Variants in DYNC2H1 observed in about 807,000 individuals in gnomAD.
DYNC2H1 encodes dynein cytoplasmic 2 heavy chain 1.
A neutral mutation model predicts 570.0 loss-of-function variants in DYNC2H1; 410 were observed. That is an observed-to-expected ratio of 0.72 (90% CI 0.66 to 0.78). The LOEUF (loss-of-function observed/expected upper bound fraction) is 0.78. DYNC2H1 is among the 30% of genes least tolerant of loss of function. DYNC2H1 has a pLI of 0.00. For synonymous variants in DYNC2H1, 1,688 were observed against 1,677.6 expected, an observed-to-expected ratio of 1.01 and a Z score of -0.15; for missense variants, 4,865 against 5,046.4, an observed-to-expected ratio of 0.96 and a Z score of 1.09.
chr11:103,479,297 A>G lies in DYNC2H1; in HGVS notation c.*44A>G. 6.3e-7 allele frequency: 1 copy of G among 1,579,204 alleles called. No homozygotes were observed. ...GCCATCTTCACAAAAGGGAACATTG[A>G]TTCTTTAAGCTTTAAATCAAACATG... On this transcript the variant is annotated 3_prime_UTR_variant, in exon 89 of 89. Transcript: ENST00000375735.
At chr11:103,166,080 T>C in intron 31 of DYNC2H1, 32 bp downstream of exon 31, 3 of 1,466,522 alleles carry the variant, frequency 2.0e-6, no homozygotes, top group Non-Finnish European at 2.7e-6. Context: ...TTCTGCCTGG[T>C]TTTGGGTTAT....
intron 83 of DYNC2H1, among the ~76,000 whole-genome samples, chr11:103,382,008 A>G (rs1168040048): frequency 1.3e-5 from 2 of 152,226 alleles, no homozygotes; most frequent in Non-Finnish European, 2.9e-5. Context: ...ACTGAAAAGT[A>G]TAACACCCAA....
At chr11:103,376,991 C>G (rs1292224940) in intron 83 of DYNC2H1, among the ~76,000 whole-genome samples, 1 of 152,202 alleles carries the variant, frequency 6.6e-6, no homozygotes, top group Non-Finnish European at 1.5e-5. Flanking sequence ...TGAAATCTGA[C>G]TGTCTAGTGG....
At chr11:103,310,697 TTGG>T (rs1440605898) in intron 78 of DYNC2H1, among the ~76,000 whole-genome samples, 885 of 83,852 alleles carry the variant, frequency 0.011, 12 homozygotes, top group African/African-American at 0.045. Context: ...TTTTTTTTTT[TTGG>T]GAGACTGAGT....
At chr11:103,454,762 C>T (rs1944727989) in intron 85 of DYNC2H1, among the ~76,000 whole-genome samples, 2 of 152,078 alleles carry the variant, frequency 1.3e-5, no homozygotes, top group African/African-American at 4.8e-5. Flanking sequence ...GGACATTGCC[C>T]TCCACTGTTG....
At position 103,168,909 on chromosome 11, in the gene DYNC2H1, A is replaced by G. The variant is rs746813965; in HGVS notation, c.4917A>G (p.Thr1639=). 3.1e-6 allele frequency: 5 copies of G among 1,612,692 alleles called. No homozygotes were observed. The highest frequency in any genetic ancestry group is 1.3e-5 in the African/African-American group (1 of 74,878). Residue 1639 remains threonine, a synonymous_variant, in exon 32 of 89, where the codon ACA becomes ACG. Coordinates refer to ENST00000375735, the MANE Select transcript of DYNC2H1 (RefSeq NM_001377.3). ...QLRFYMKSDH[T]CCVQMVDSEF... is the part of the protein sequence containing the mutation. ...GATTCTATATGAAAAGTGATCATAC[A>G]TGTTGTGTTCAAATGGTGGATTCTG...
chr11:103,458,144 C>A (rs540740081), intron 87 of DYNC2H1, among the ~76,000 whole-genome samples: 10 of 152,274 alleles, frequency 6.6e-5, no homozygotes, highest in African/African-American at 2.4e-4. Context: ...TTTCAAACTC[C>A]ATTCATGGTA....
chr11:103,220,028 A>C lies in DYNC2H1; in HGVS notation c.8946A>C (p.Gln2982His). The change falls in exon 56 of 89, where the codon CAA becomes CAC. Residue 2982 changes from glutamine (Q) to histidine (H), a missense_variant and splice_region_variant. Coordinates refer to ENST00000375735, the MANE Select transcript of DYNC2H1 (RefSeq NM_001377.3). The stretch of plus-strand genomic sequence containing the variant: ...TTGATGATGAATTAAAAGAAGTACA[A>C]GTAAGTTAAAAAACATTCTAAGATC... ...NKIDDELKEV[Q>H]PLVNEAKLAV... 1.4e-6 allele frequency: 2 copies of C among 1,408,458 alleles called. No individual in the cohort carries two copies. Among genetic ancestry groups the C allele is most frequent in the Non-Finnish European group, 1.9e-6 (2 of 1,063,022 alleles). The allele number at this position is 1,408,458 out of a possible 1,614,324, so 87.2% of individuals were successfully genotyped here. A position where few individuals can be genotyped will look rare whatever the true frequency, so the allele number is the denominator to read the frequency against.
At chr11:103,438,258 C>A (rs11225797) in intron 85 of DYNC2H1, among the ~76,000 whole-genome samples, 2,636 of 152,042 alleles carry the variant, frequency 0.017, 34 homozygotes, top group Non-Finnish European at 0.026. Flanking sequence ...CCTGAGGTAA[C>A]CTTTAATATT....
chr11:103,354,753 C>T (rs553649559), intron 82 of DYNC2H1, among the ~76,000 whole-genome samples: 1 of 150,698 alleles, frequency 6.6e-6, no homozygotes, highest in South Asian at 2.1e-4. Flanking sequence ...TCCATTGTTG[C>T]AGTTGGGAAG....
intron 85 of DYNC2H1, among the ~76,000 whole-genome samples, chr11:103,452,476 G>A (rs770630027): frequency 6.6e-6 from 1 of 151,736 alleles, no homozygotes; most frequent in Non-Finnish European, 1.5e-5. Context: ...ATAGCCAATA[G>A]GATTAGCCTC....
In DYNC2H1 at chr11:103,156,691, GT is replaced by G; in HGVS notation, c.4049del (p.Val1350GlyfsTer29). Reference protein sequence around the residue: ...QNLNHIQRKWVYLEPIFGRGA... With the variant: ...QNLNHIQRKWXYLEPIFGRGA... ...TTTAAATCATATTCAGAGAAAGTGG[GT>G]GTATTTGGAACCCATTTTCGGCCGT... On this transcript the variant is annotated frameshift_variant, in exon 26 of 89. Transcript: ENST00000375735. LOFTEE classifies it high-confidence loss of function. 1 of 1,613,264 alleles carries G rather than the reference GT, an allele frequency of 6.2e-7. No individual in the cohort carries two copies. Among genetic ancestry groups the G allele is most frequent in the Admixed American group, 1.7e-5 (1 of 59,886 alleles).
intron 82 of DYNC2H1, among the ~76,000 whole-genome samples, chr11:103,333,775 G>A (rs1938962041): frequency 6.6e-6 from 1 of 152,106 alleles, no homozygotes; most frequent in African/African-American, 2.4e-5. Context: ...ATAGAAGAAA[G>A]TTAATAGAAA....
rs1392784605 is a variant in DYNC2H1, at chr11:103,395,374, A to G, written c.12157-4289A>G. Among the ~76,000 whole-genome samples, 1 of 151,670 alleles carries G rather than the reference A, an allele frequency of 6.6e-6. No homozygotes were observed. The highest frequency in any genetic ancestry group is 2.4e-5 in the African/African-American group (1 of 41,304). On this transcript the variant is annotated intron_variant, in intron 83 of 88. Coordinates refer to ENST00000375735, the MANE Select transcript of DYNC2H1 (RefSeq NM_001377.3). This position sits in a 1 kb window ranked among gnomAD's most constrained non-coding sequence, Gnocchi z 4.3. ...TGTATTATGTATATCCTCATATATA[A>G]TATATATTCTGAAAGATCTGATGTG... is the stretch of plus-strand genomic sequence containing the variant.
At chr11:103,213,679 T>A (rs1395309516) in intron 54 of DYNC2H1, among the ~76,000 whole-genome samples, 1 of 152,094 alleles carries the variant, frequency 6.6e-6, no homozygotes, top group Admixed American at 6.5e-5. Context: ...TGGAATTCTT[T>A]GTTGTTGTTG....
At chr11:103,132,374 T>A (rs953163508) in intron 13 of DYNC2H1, among the ~76,000 whole-genome samples, 11 of 152,100 alleles carry the variant, frequency 7.2e-5, no homozygotes, top group African/African-American at 2.7e-4. Flanking sequence ...TGAGATTTTC[T>A]GTTTTTCACT....
At chr11:103,339,017 A>G (rs554905784) in intron 82 of DYNC2H1, among the ~76,000 whole-genome samples, 49 of 152,322 alleles carry the variant, frequency 3.2e-4, no homozygotes, top group African/African-American at 1.1e-3. Flanking sequence ...AGCTGTAGCT[A>G]CTACAGCCAT....
intron 34 of DYNC2H1, among the ~76,000 whole-genome samples, chr11:103,171,409 C>T (rs1861565034): frequency 6.6e-6 from 1 of 151,990 alleles, no homozygotes; most frequent in Non-Finnish European, 1.5e-5. Context: ...GTGCCCGCCA[C>T]CACGCCCAGC....
chr11:103,351,541 G>C (rs1020649903), intron 82 of DYNC2H1, among the ~76,000 whole-genome samples: 1 of 152,094 alleles, frequency 6.6e-6, no homozygotes, highest in Non-Finnish European at 1.5e-5. Flanking sequence ...AATTTGTTAA[G>C]AATTTATTGA....
Sources: allele counts gnomAD v4.1 joint callset (sites outside exome capture counted in the v4.1 genomes callset), GRCh38; gene constraint gnomAD v4.1.1; non-coding constraint Gnocchi (gnomAD v3.1); transcripts MANE v1.5; gene names NCBI Gene and HGNC (gene_info 2026-07-23, HGNC 2026-07-21).